NR2C2: variants seen among roughly 807,000 people sequenced by gnomAD.
The protein encoded by NR2C2 is nuclear receptor subfamily 2 group C member 2, also known as Nuclear hormone receptor TR4.
In NR2C2, 6 loss-of-function variants were observed where a neutral mutation model predicts 62.9. The ratio of observed to expected loss-of-function variants is 0.10; its 90% CI spans 0.05 to 0.19. NR2C2 has a LOEUF of 0.19. Ranked by LOEUF, NR2C2 falls within the 10% of genes least tolerant of loss-of-function variation. The probability of loss-of-function intolerance (pLI) is 1.00; values close to 1 mark genes in which losing one functional copy is unlikely to be tolerated. For synonymous variants in NR2C2, 272 were observed against 273.8 expected (o/e 0.99, Z 0.07); for missense variants, 479 against 762.7 (o/e 0.63, Z 4.38).
chr3:14,951,370 C>G (rs182449786), intron 1 of NR2C2, among the ~76,000 whole-genome samples: 54 of 152,232 alleles, frequency 3.5e-4, no homozygotes, highest in African/African-American at 1.3e-3. Context: ...AAGTATACAT[C>G]AAGTTTCTAC....
At chr3:14,997,223 G>A (rs896936013) in intron 1 of NR2C2, among the ~76,000 whole-genome samples, 13 of 152,186 alleles carry the variant, frequency 8.5e-5, no homozygotes, top group African/African-American at 3.1e-4. Flanking sequence ...TGCTGTACAG[G>A]TTTGTAGCCT....
At chr3:14,972,853 C>A (rs2040085267) in intron 1 of NR2C2, among the ~76,000 whole-genome samples, 1 of 152,082 alleles carries the variant, frequency 6.6e-6, no homozygotes, top group Admixed American at 6.5e-5. Flanking sequence ...GTGCTACACA[C>A]TTTTAAACAA....
chr3:15,042,617 G>C (rs924435855), intron 13 of NR2C2: 1 of 441,192 alleles, frequency 2.3e-6, no homozygotes, highest in Non-Finnish European at 4.0e-6. Context: ...CAAGAGTGAA[G>C]GGAACACATC....
chr3:15,016,611 G>GT (rs1478421934), intron 4 of NR2C2, among the ~76,000 whole-genome samples: 1 of 152,144 alleles, frequency 6.6e-6, no homozygotes, highest in African/African-American at 2.4e-5. Flanking sequence ...CATCCTAACT[G>GT]TAACTATCTC....
At chr3:14,986,394 GAATA>G (rs1318479217) in intron 1 of NR2C2, among the ~76,000 whole-genome samples, 1 of 152,128 alleles carries the variant, frequency 6.6e-6, no homozygotes, top group East Asian at 1.9e-4. Context: ...GAGTCAGCTG[GAATA>G]AATGTTAAAT....
At chr3:14,990,607 C>T (rs1443228721) in intron 1 of NR2C2, among the ~76,000 whole-genome samples, 1 of 152,094 alleles carries the variant, frequency 6.6e-6, no homozygotes, top group Non-Finnish European at 1.5e-5. Context: ...CAACCTCTGG[C>T]CTTTTGGGTT....
At chr3:14,974,167 A>G (rs2040134209) in intron 1 of NR2C2, among the ~76,000 whole-genome samples, 1 of 152,200 alleles carries the variant, frequency 6.6e-6, no homozygotes, top group Non-Finnish European at 1.5e-5. Context: ...TAACTACTGT[A>G]AGAATTATAC....
chr3:15,042,645 C>T, intron 13 of NR2C2, 189 bp from the exon 14 acceptor site: 1 of 560,358 alleles, frequency 1.8e-6, no homozygotes. Flanking sequence ...ACATTTTGTA[C>T]TCATTTGGTT....
intron 1 of NR2C2, among the ~76,000 whole-genome samples, chr3:14,976,834 A>G (rs951201513): frequency 6.6e-6 from 1 of 152,014 alleles, no homozygotes; most frequent in Admixed American, 6.6e-5. Context: ...GCTTTTGTGT[A>G]TAATAGTCAG....
At chr3:15,028,017 C>T (rs1190211188) in intron 7 of NR2C2, among the ~76,000 whole-genome samples, 1 of 152,068 alleles carries the variant, frequency 6.6e-6, no homozygotes, top group East Asian at 1.9e-4. Context: ...TGCCACCATG[C>T]CTGGCTAATT....
chr3:14,957,906 CTG>C (rs946746619), intron 1 of NR2C2, among the ~76,000 whole-genome samples: 5 of 115,232 alleles, frequency 4.3e-5, no homozygotes, highest in African/African-American at 1.7e-4. Context: ...TCCCTGGTCT[CTG>C]TAATAATTCC....
chr3:14,993,579 A>G (rs886588824), intron 1 of NR2C2, among the ~76,000 whole-genome samples: 10 of 152,134 alleles, frequency 6.6e-5, no homozygotes, highest in African/African-American at 2.4e-4. Context: ...TCATAACATC[A>G]CTTTGCCTTC....
chr3:15,008,836 G>A (rs1162403362), intron 2 of NR2C2, among the ~76,000 whole-genome samples: 1 of 152,188 alleles, frequency 6.6e-6, no homozygotes, highest in Non-Finnish European at 1.5e-5. Context: ...TGAAATTAGT[G>A]ACACTCAAAA....
chr3:14,982,018 G>A (rs2040384147), intron 1 of NR2C2, among the ~76,000 whole-genome samples: 1 of 152,058 alleles, frequency 6.6e-6, no homozygotes, highest in Non-Finnish European at 1.5e-5. Context: ...AATCTCGTTT[G>A]GCAACACCCT....
chr3:14,993,454 C>CA (rs58284681), intron 1 of NR2C2, among the ~76,000 whole-genome samples: 1,921 of 119,318 alleles, frequency 0.016, 30 homozygotes, highest in African/African-American at 0.041. Flanking sequence ...AACTCCATCT[C>CA]AAAAAAAAAA....
At position 15,023,321 on chromosome 3, in the gene NR2C2, G is replaced by A. The variant is rs779198846; in HGVS notation, c.678G>A (p.Thr226=). The part of the protein sequence containing the change: ...DLRSPLIATP[T]FVADKDGARQ... ...GAAGTCCCCTGATAGCTACTCCCAC[G>A]TTTGTGGCAGACAAAGATGGAGCAA... Residue 226 remains threonine (T), a synonymous_variant, in exon 6 of 14, where the codon ACG becomes ACA. Coordinates refer to ENST00000425241, the MANE Select transcript of NR2C2 (RefSeq NM_001291694.2). The A allele has an allele frequency of 3.1e-6, 5 of 1,614,028 alleles. No homozygotes were observed. The highest frequency in any genetic ancestry group is 3.3e-5 in the Admixed American group (2 of 60,002).
intron 13 of NR2C2, among the ~76,000 whole-genome samples, chr3:15,040,632 A>G (rs949692496): frequency 2.6e-5 from 4 of 152,320 alleles, no homozygotes; most frequent in African/African-American, 9.6e-5. Flanking sequence ...GGGGTGTCTT[A>G]TGGCTGGCTG....
At chr3:14,985,722 G>A (rs1054327777) in intron 1 of NR2C2, among the ~76,000 whole-genome samples, 3 of 152,024 alleles carry the variant, frequency 2.0e-5, no homozygotes, top group East Asian at 1.9e-4. Flanking sequence ...TATTTATTTA[G>A]CTACTCCTCT....
At chr3:15,033,639 C>CTTTT (rs58524753) in intron 10 of NR2C2, among the ~76,000 whole-genome samples, 7 of 84,808 alleles carry the variant, frequency 8.3e-5, no homozygotes, top group East Asian at 3.8e-4. Context: ...TAACCTCAGG[C>CTTTT]TTTTTTTTTT....
Sources: gnomAD v4.1 joint callset for allele counts (sites outside exome capture counted in the v4.1 genomes callset) on GRCh38, gnomAD v4.1.1 for gene constraint, MANE v1.5 for transcripts, NCBI Gene and HGNC (gene_info 2026-07-23, HGNC 2026-07-21) for gene names.